USH2A: variants seen among roughly 807,000 people sequenced by gnomAD.
USH2A encodes usherin, also known as Usher syndrome 2A (autosomal recessive, mild).
In USH2A, 443 loss-of-function variants were observed where a neutral mutation model predicts 538.9. The ratio of observed to expected loss-of-function variants is 0.82; its 90% CI spans 0.76 to 0.89. The LOEUF is 0.89. USH2A is among the 40% of genes least tolerant of loss of function. USH2A has a pLI of 0.00. For missense variants in USH2A, 6,633 were observed against 6,324.8 expected (o/e 1.05, Z -1.65); for synonymous variants, 2,413 against 2,273.5 (o/e 1.06, Z -1.75).
intron 70 of USH2A, among the ~76,000 whole-genome samples, chr1:215,630,509 T>TG (rs1250750865): frequency 3.1e-5 from 4 of 130,984 alleles, no homozygotes; most frequent in African/African-American, 1.1e-4. Flanking sequence ...TATATATATA[T>TG]ATATATATAT....
At chr1:216,279,213 A>C (rs2036726103) in intron 11 of USH2A, among the ~76,000 whole-genome samples, 1 of 152,178 alleles carries the variant, frequency 6.6e-6, no homozygotes, top group Admixed American at 6.6e-5. Flanking sequence ...TTTTCACACA[A>C]CTTTTTAATT....
intron 21 of USH2A, among the ~76,000 whole-genome samples, chr1:216,120,471 C>G (rs565465302): frequency 6.6e-6 from 1 of 151,780 alleles, no homozygotes; most frequent in African/African-American, 2.4e-5. Context: ...GCTCCGCCTC[C>G]CGGGTTCACG....
At chr1:215,903,379 A>G (rs1312072648) in intron 38 of USH2A, among the ~76,000 whole-genome samples, 3 of 152,086 alleles carry the variant, frequency 2.0e-5, no homozygotes, top group Non-Finnish European at 4.4e-5. Context: ...TCTAAAAGGG[A>G]TTAGAAAATG....
chr1:216,345,316 A>G (rs6660228), intron 4 of USH2A, among the ~76,000 whole-genome samples: 59,107 of 151,874 alleles, frequency 0.39, 12,809 homozygotes, highest in African/African-American at 0.6. Context: ...TTGATATTGG[A>G]TGCTGAGCAG....
intron 29 of USH2A, among the ~76,000 whole-genome samples, chr1:216,070,824 T>C (rs1035759685): frequency 6.8e-6 from 1 of 147,228 alleles, no homozygotes; most frequent in African/African-American, 2.5e-5. Flanking sequence ...CCAGATATGA[T>C]ATATGGAATA....
chr1:215,956,540 C>A (rs1451123775), intron 37 of USH2A, among the ~76,000 whole-genome samples: 1 of 152,086 alleles, frequency 6.6e-6, no homozygotes, highest in African/African-American at 2.4e-5. Flanking sequence ...GATTCCTCCA[C>A]AGAGATGCTC....
chr1:216,201,884 G>A (rs1187834384), intron 16 of USH2A: 1 of 159,552 alleles, frequency 6.3e-6, no homozygotes, highest in Non-Finnish European at 1.4e-5. Flanking sequence ...GAAGAGACAG[G>A]GGAAAGTCAC....
At position 216,156,779 on chromosome 1, in the gene USH2A, T is replaced by A. The variant is rs111685393; in HGVS notation, c.4627+18473A>T. The stretch of plus-strand genomic sequence containing the variant: ...TATACAAATTATGCATCTGACAAAG[T>A]TCTAATATGCAGAACCTATAAGGAA... On this transcript the variant is annotated intron_variant, in intron 21 of 71. Transcript: ENST00000307340. Among the ~76,000 whole-genome samples, 369 of 152,168 alleles carry A rather than the reference T, an allele frequency of 2.4e-3. 1 individual carries two copies. Among genetic ancestry groups the A allele is most frequent in the Non-Finnish European group, 3.4e-3 (229 of 68,006 alleles).
chr1:216,021,988 C>T (rs1464637149), intron 32 of USH2A, among the ~76,000 whole-genome samples: 10 of 151,860 alleles, frequency 6.6e-5, no homozygotes. Context: ...ACTCTTAGCT[C>T]CCACAAGAAC....
chr1:215,658,464 G>A (rs1273010481), intron 64 of USH2A, among the ~76,000 whole-genome samples: 2 of 152,068 alleles, frequency 1.3e-5, no homozygotes, highest in Non-Finnish European at 2.9e-5. Context: ...AGAAAACTGA[G>A]GAACACAGAA....
At position 215,775,512 on chromosome 1, in the gene USH2A, G is replaced by C. The variant is rs147154160; in HGVS notation, c.10939+4331C>G. Among the ~76,000 whole-genome samples the C allele has an allele frequency of 3.5e-4, 53 of 152,286 alleles. No individual in the cohort carries two copies. The East Asian group carries it at 5.8e-3, about 17-fold the overall frequency. ...GGTACCAGGAACACAATGGCAAACA[G>C]GAAGCTACTGTCTCTGTACTTAAAA... On this transcript the variant is annotated intron_variant, in intron 55 of 71. Transcript: ENST00000307340.
chr1:215,846,412 C>T (rs891910465), intron 44 of USH2A, among the ~76,000 whole-genome samples: 1 of 152,058 alleles, frequency 6.6e-6, no homozygotes, highest in Non-Finnish European at 1.5e-5. Flanking sequence ...CAGGGTCTTG[C>T]TATGTTTCCC....
chr1:216,167,756 T>A lies in USH2A; in HGVS notation c.4627+7496A>T, dbSNP rs966063816. Among the ~76,000 whole-genome samples the A allele has an allele frequency of 2.0e-5, 3 of 152,164 alleles. No homozygotes were observed. In the East Asian group the frequency reaches 5.8e-4, roughly 29 times the overall value. On this transcript the variant is annotated intron_variant, in intron 21 of 71. Coordinates refer to ENST00000307340, the MANE Select transcript of USH2A (RefSeq NM_206933.4). ...CTGCTCTAAAATTTTTAAATAAATT[T>A]TCACTCTTGCTCTAAAATTTGTCTT...
At chr1:215,823,220 T>C (rs137874463) in intron 47 of USH2A, among the ~76,000 whole-genome samples, 48 of 152,240 alleles carry the variant, frequency 3.2e-4, no homozygotes, top group African/African-American at 1.1e-3. Flanking sequence ...TCTTATAAGA[T>C]GGGTCTCATA....
chr1:216,084,659 G>T, intron 25 of USH2A, 39 bp downstream of exon 25: 1 of 1,603,874 alleles, frequency 6.2e-7, no homozygotes, highest in South Asian at 1.1e-5. Context: ...ATAGAACATA[G>T]ATTTTAAGTG....
chr1:215,912,883 T>C (rs1665849426), intron 38 of USH2A, among the ~76,000 whole-genome samples: 1 of 152,108 alleles, frequency 6.6e-6, no homozygotes, highest in Non-Finnish European at 1.5e-5. Context: ...AGCTCTCACC[T>C]TTTGAATGCA....
chr1:215,889,757 A>G (rs1451245512), intron 40 of USH2A, among the ~76,000 whole-genome samples: 1 of 152,166 alleles, frequency 6.6e-6, no homozygotes. Flanking sequence ...AGGCTCCATG[A>G]ATACTGAAAA....
Position 216,377,839 on chromosome 1 carries a change from GAAAGAAAGAAAGAAAGAAAGAA to G in USH2A, c.652-12776_652-12755del, listed in dbSNP as rs2038857873. ...AGAAAGAAAGAAAGAAAGAAAGAAAGAAAGAAAGAAAGAAAGAAAGAAAGAAAGAAGGAAAGAAAGAAAGGAA... is the reference window on the plus strand; with the variant it reads ...AGAAAGAAAGAAAGAAAGAAAGAAAGAGAAAGAAGGAAAGAAAGAAAGGAA... On this transcript the variant is annotated intron_variant, in intron 3 of 71. Transcript: ENST00000307340. Among the ~76,000 whole-genome samples, 11 of 124,028 alleles carry G rather than the reference GAAAGAAAGAAAGAAAGAAAGAA, an allele frequency of 8.9e-5. No homozygotes were observed. The South Asian group carries it at 2.7e-3, about 30-fold the overall frequency. 81.4% of individuals were successfully genotyped at this position (124,028 alleles called of 152,430 possible).
At position 215,999,062 on chromosome 1, in the gene USH2A, G is replaced by C; in HGVS notation, c.6486-4C>G. 1 of 1,608,328 alleles carries C rather than the reference G, an allele frequency of 6.2e-7. No individual in the cohort carries two copies. On this transcript the variant is annotated splice_region_variant and splice_polypyrimidine_tract_variant and intron_variant, in intron 33 of 71. Transcript: ENST00000307340. ...TATTTTTCTTGGTTGTTTCCACCTG[G>C]GAATGGTAAAATACATTATTATCAT...
Sources: gnomAD v4.1 joint callset for allele counts (sites outside exome capture counted in the v4.1 genomes callset) on GRCh38, gnomAD v4.1.1 for gene constraint, MANE v1.5 for transcripts, NCBI Gene and HGNC (gene_info 2026-07-23, HGNC 2026-07-21) for gene names.